Variants in ZNF530 observed in about 807,000 individuals in gnomAD.
ZNF530 encodes the protein zinc finger protein 530.
ZNF530 carries 5 observed loss-of-function variants against 2.8 expected under a neutral mutation model. The ratio of observed to expected loss-of-function variants is 1.80; its 90% confidence interval spans 0.94 to 3.78. The LOEUF (loss-of-function observed/expected upper bound fraction) is 3.78. Among genes scored for constraint, ZNF530 ranks in the 30% most tolerant of loss-of-function variants. The probability of loss-of-function intolerance (pLI) is 0.00; values close to 1 mark genes in which losing one functional copy is unlikely to be tolerated. For synonymous variants in ZNF530, 229 were observed against 235.0 expected (o/e 0.97, Z 0.23); for missense variants, 619 against 673.3 (o/e 0.92, Z 0.89).
At chr19:57,610,192 T>C (rs1046316861), downstream of ZNF530, among the ~76,000 whole-genome samples, 3 of 152,236 alleles carry the variant, frequency 2.0e-5, no homozygotes, top group Admixed American at 6.5e-5. Flanking sequence ...TTACTTTTGC[T>C]CTTTTATAAT....
At chr19:57,610,551 T>C (rs955063608), downstream of ZNF530, among the ~76,000 whole-genome samples, 4 of 152,152 alleles carry the variant, frequency 2.6e-5, no homozygotes, top group Non-Finnish European at 5.9e-5. Flanking sequence ...CCCACTTCTA[T>C]TGGAAACTGG....
Position 57,606,862 on chromosome 19 carries a change from A to G in ZNF530, c.1238A>G (p.Gln413Arg), listed in dbSNP as rs569003277. The change falls in exon 4 of 4, where the codon CAA becomes CGA. Residue 413 changes from glutamine (Q) to arginine (R), a missense_variant. By Grantham distance (43) the Gln-to-Arg change is conservative (BLOSUM62 1). Coordinates refer to ENST00000597700, the MANE Select transcript of ZNF530 (RefSeq NM_001321981.2). ...ECSECGKVFSQSSGLFRHRRA... is the reference protein window; with the variant it reads ...ECSECGKVFSRSSGLFRHRRA... ...AGTGAATGTGGGAAAGTTTTTAGCC[A>G]AAGCTCTGGCCTCTTTCGACACAGA... 6.2e-7 allele frequency: 1 copy of G among 1,612,970 alleles called. No homozygotes were observed. The highest frequency in any genetic ancestry group is 1.3e-5 in the African/African-American group (1 of 74,630).
chr19:57,600,419 G>A (rs1980176039), intron 1 of ZNF530, among the ~76,000 whole-genome samples: 1 of 152,208 alleles, frequency 6.6e-6, no homozygotes, highest in African/African-American at 2.4e-5. Context: ...TGGCCCCACT[G>A]AGTTTCACCA....
chr19:57,600,148 C>A lies in ZNF530; in HGVS notation c.-122+14C>A. 6.4e-7 allele frequency: 1 copy of A among 1,566,012 alleles called. No homozygotes were observed. The highest frequency in any genetic ancestry group is 2.4e-5 in the East Asian group (1 of 42,338). On this transcript the variant is annotated intron_variant, in intron 1 of 3. Coordinates refer to ENST00000597700, the MANE Select transcript of ZNF530 (RefSeq NM_001321981.2). ...GCCCCGACCCAGGTGAGCGCTGCGT[C>A]CTCCCGGCCTCCTCTGCCCTCCCCA...
In ZNF530 at chr19:57,606,596, A is replaced by G. The variant is rs1343828183; in HGVS notation, c.972A>G (p.Gly324=). ...GGCCTTATGAGTGCAGTGAATGTGG[A>G]AAATCCTTTAGCCATAGCACTAACC... is the stretch of plus-strand genomic sequence containing the variant. ...STRPYECSEC[G]KSFSHSTNLF... is the part of the protein sequence containing the mutation. Residue 324 remains glycine, a synonymous_variant, in exon 4 of 4, where the codon GGA becomes GGG. Coordinates refer to ENST00000597700, the MANE Select transcript of ZNF530 (RefSeq NM_001321981.2). The G allele has an allele frequency of 1.2e-6, 2 of 1,612,594 alleles. No individual in the cohort carries two copies. The highest frequency in any genetic ancestry group is 8.5e-7 in the Non-Finnish European group (1 of 1,179,642).
intron 1 of ZNF530, among the ~76,000 whole-genome samples, 170 bp from the exon 2 acceptor site, chr19:57,600,558 C>T (rs1185151139): frequency 6.6e-6 from 1 of 152,204 alleles, no homozygotes; most frequent in Non-Finnish European, 1.5e-5. Flanking sequence ...ATGGAGGGAC[C>T]TAGTCTTTTT....
chr19:57,612,179 C>A (rs1307588145), downstream of ZNF530, among the ~76,000 whole-genome samples: 1 of 152,234 alleles, frequency 6.6e-6, no homozygotes, highest in Non-Finnish European at 1.5e-5. Context: ...ATTGGCCTCT[C>A]TTGGCTATGT....
In ZNF530 at chr19:57,605,849, G is replaced by T. The variant is rs1222305633; in HGVS notation, c.225G>T (p.Glu75Asp). 6.8e-6 allele frequency: 11 copies of T among 1,614,172 alleles called. No individual in the cohort carries two copies. The highest frequency in any genetic ancestry group is 9.3e-6 in the Non-Finnish European group (11 of 1,180,038). The change falls in exon 4 of 4, where the codon GAG becomes GAT. Residue 75 changes from glutamate to aspartate, a missense_variant. Coordinates refer to ENST00000597700, the MANE Select transcript of ZNF530 (RefSeq NM_001321981.2). ...PVLRDILQMI[E>D]LHASPCGQKL... is the part of the protein sequence containing the mutation. The stretch of plus-strand genomic sequence containing the variant: ...TGAGAGACATTTTACAAATGATTGA[G>T]CTCCATGCCTCACCCTGTGGACAGA...
chr19:57,604,197 G>C lies in ZNF530; in HGVS notation c.-69-80G>C, dbSNP rs373452128. The C allele has an allele frequency of 1.1e-5, 17 of 1,601,246 alleles. No individual in the cohort carries two copies. The East Asian group carries it at 1.3e-4, about 13-fold the overall frequency. ...GGTGGGGAGATGGGGAGGAGGGTGA[G>C]CCAGGGATGGATGTTTGGGGGAATC... On this transcript the variant is annotated intron_variant, in intron 2 of 3. Coordinates refer to ENST00000597700, the MANE Select transcript of ZNF530 (RefSeq NM_001321981.2).
At chr19:57,601,405 T>A (rs1407221923) in intron 2 of ZNF530, among the ~76,000 whole-genome samples, 2 of 152,210 alleles carry the variant, frequency 1.3e-5, no homozygotes, top group Admixed American at 1.3e-4. Flanking sequence ...AAGGGGTGAC[T>A]CAAGGCTTTT....
rs781577976 is a variant in ZNF530 at position 57,604,549 on chromosome 19, C to T, written c.61+143C>T. 1.9e-5 allele frequency: 23 copies of T among 1,179,574 alleles called. No homozygotes were observed. The Middle Eastern group carries it at 8.1e-4, about 42-fold the overall frequency. 73.1% of individuals were successfully genotyped at this position (1,179,574 alleles called of 1,614,324 possible). ...TTGGCATATGTATTCTGAGGGACAT[C>T]GCCAAGCAAGGCACTCTCAGACTGT... On this transcript the variant is annotated intron_variant, in intron 3 of 3. Coordinates refer to ENST00000597700, the MANE Select transcript of ZNF530 (RefSeq NM_001321981.2).
At position 57,607,090 on chromosome 19, in the gene ZNF530, A is replaced by T; in HGVS notation, c.1466A>T (p.Asp489Val). ...VHTNERPYECDECGKSYSQSS... is the reference protein window; with the variant it reads ...VHTNERPYECVECGKSYSQSS... ...ACTAATGAAAGGCCTTATGAGTGCG[A>T]TGAATGTGGGAAATCCTATAGCCAA... Residue 489 changes from aspartate (D) to valine (V), a missense_variant, in exon 4 of 4, where the codon GAT becomes GTT. Coordinates refer to ENST00000597700, the MANE Select transcript of ZNF530 (RefSeq NM_001321981.2). The T allele has an allele frequency of 6.2e-7, 1 of 1,610,468 alleles. No homozygotes were observed. Among genetic ancestry groups the T allele is most frequent in the Non-Finnish European group, 8.5e-7 (1 of 1,178,964 alleles).
intron 2 of ZNF530, among the ~76,000 whole-genome samples, chr19:57,602,743 G>C (rs1980306872): frequency 6.6e-6 from 1 of 152,176 alleles, no homozygotes; most frequent in South Asian, 2.1e-4. Flanking sequence ...AGACTGGGAA[G>C]AAAAAGAGGG....
chr19:57,605,491 T>C, intron 3 of ZNF530, 195 bp from the exon 4 acceptor site: 1 of 555,336 alleles, frequency 1.8e-6, no homozygotes, highest in Non-Finnish European at 3.1e-6. Flanking sequence ...CTCTCTGAGT[T>C]GTGCCCCATC....
chr19:57,605,781 T>C lies in ZNF530; in HGVS notation c.157T>C (p.Ser53Pro), dbSNP rs1269001444. ...GGGCAGGACTCCAAAGGCAGATACA[T>C]CCACTGATAAGAGTCACCCCTGTGA... ...SQGRTPKADT[S>P]TDKSHPCEIC... The change falls in exon 4 of 4, where the codon TCC becomes CCC. Residue 53 changes from serine (S) to proline (P), a missense_variant. Ser to Pro is a moderately conservative substitution (Grantham distance 74). Transcript: ENST00000597700. The C allele has an allele frequency of 6.2e-7, 1 of 1,614,166 alleles. No individual in the cohort carries two copies. Among genetic ancestry groups the C allele is most frequent in the Admixed American group, 1.7e-5 (1 of 60,016 alleles).
rs148980056 is a variant in ZNF530 at position 57,606,810 on chromosome 19, C to T, written c.1186C>T (p.His396Tyr). The stretch of plus-strand genomic sequence containing the variant: ...TGTCCTCATTCAACACCAAAGAGTT[C>T]ACACTGGAGAAAGGCCTTATGAGTG... The part of the protein sequence containing the change: ...KSVLIQHQRV[H>Y]TGERPYECSE... Residue 396 changes from histidine (H) to tyrosine (Y), a missense_variant, in exon 4 of 4, where the codon CAC (histidine) becomes TAC (tyrosine). By Grantham distance (83) the His-to-Tyr change is moderately conservative. Transcript: ENST00000597700. 43 of 1,614,030 alleles carry T rather than the reference C, an allele frequency of 2.7e-5. No individual in the cohort carries two copies. The highest frequency in any genetic ancestry group is 2.5e-4 in the South Asian group (23 of 91,078).
intron 3 of ZNF530, chr19:57,604,774 G>T: frequency 5.3e-6 from 1 of 189,680 alleles, no homozygotes; most frequent in South Asian, 1.0e-4. Flanking sequence ...GTATCATCAT[G>T]TTAACTACTT....
chr19:57,600,277 A>G lies in ZNF530; in HGVS notation c.-122+143A>G, dbSNP rs1980166607. 4 of 1,092,080 alleles carry G rather than the reference A, an allele frequency of 3.7e-6. No individual in the cohort carries two copies. In the East Asian group the frequency reaches 1.2e-4, roughly 31 times the overall value. The allele number at this position is 1,092,080 out of a possible 1,614,324, so 67.6% of individuals were successfully genotyped here. On this transcript the variant is annotated intron_variant, in intron 1 of 3. Coordinates refer to ENST00000597700, the MANE Select transcript of ZNF530 (RefSeq NM_001321981.2). ...TCTCGTTTCTGGTAGTGTGGCAGGGAGCGGGAGAGCGACACGGTCAGGGGG... is the reference window on the plus strand; with the variant it reads ...TCTCGTTTCTGGTAGTGTGGCAGGGGGCGGGAGAGCGACACGGTCAGGGGG...
At chr19:57,603,353 A>G (rs745887489) in intron 2 of ZNF530, among the ~76,000 whole-genome samples, 12 of 152,238 alleles carry the variant, frequency 7.9e-5, no homozygotes, top group Non-Finnish European at 1.3e-4. Flanking sequence ...CAGCCAAACC[A>G]TATTAGAGAC....
Sources: allele counts gnomAD v4.1 joint callset (sites outside exome capture counted in the v4.1 genomes callset), GRCh38; gene constraint gnomAD v4.1.1; transcripts MANE v1.5; gene names NCBI Gene and HGNC (gene_info 2026-07-23, HGNC 2026-07-21).